SGCE: variants seen among roughly 807,000 people sequenced by gnomAD.
SGCE encodes epsilon-sarcoglycan.
SGCE carries 26 observed loss-of-function variants against 57.8 expected under a neutral mutation model. The ratio of observed to expected loss-of-function variants is 0.45; its 90% CI spans 0.33 to 0.62. The LOEUF is 0.62. Ranked by LOEUF, SGCE falls within the 20% of genes least tolerant of loss-of-function variation. The pLI is 0.02. For missense variants in SGCE, 468 were observed against 548.6 expected, an observed-to-expected ratio of 0.85 and a Z score of 1.47; for synonymous variants, 183 against 189.5, an observed-to-expected ratio of 0.97 and a Z score of 0.28.
At chr7:94,640,080 A>C (rs751077554) in intron 1 of SGCE, among the ~76,000 whole-genome samples, 8 of 152,198 alleles carry the variant, frequency 5.3e-5, no homozygotes, top group Non-Finnish European at 1.2e-4. Flanking sequence ...CAGGGATAAA[A>C]GGAGAATCAA....
At chr7:94,654,633 T>C (rs1562912995) in intron 1 of SGCE, among the ~76,000 whole-genome samples, 1 of 152,076 alleles carries the variant, frequency 6.6e-6, no homozygotes, top group African/African-American at 2.4e-5. Context: ...AGTGGGCATT[T>C]TCTAATAAAA....
chr7:94,621,564 AG>A (rs1802789275), intron 4 of SGCE: 1 of 152,230 alleles, frequency 6.6e-6, no homozygotes, highest in Admixed American at 6.5e-5. Flanking sequence ...TTGAGAAGGA[AG>A]AAGTTCAAAC....
intron 1 of SGCE, among the ~76,000 whole-genome samples, chr7:94,639,901 G>T (rs1318015375): frequency 1.3e-5 from 2 of 152,146 alleles, no homozygotes; most frequent in Non-Finnish European, 2.9e-5. Flanking sequence ...CTAGCATAGG[G>T]GTTAAGGAAT....
At chr7:94,621,452 A>G (rs1802767164) in intron 4 of SGCE, 1 of 152,272 alleles carries the variant, frequency 6.6e-6, no homozygotes, top group Non-Finnish European at 1.5e-5. Flanking sequence ...GTTGTCTAGC[A>G]GTCTTCCATT....
At chr7:94,653,792 A>G (rs12704733) in intron 1 of SGCE, among the ~76,000 whole-genome samples, 19,379 of 151,960 alleles carry the variant, frequency 0.13, 1,492 homozygotes, top group South Asian at 0.25. Context: ...ATGTTAGAAT[A>G]GTGAGATGGG....
chr7:94,588,806 T>C, intron 9 of SGCE, 74 bp from the exon 10 acceptor site: 3 of 1,584,378 alleles, frequency 1.9e-6, no homozygotes, highest in Non-Finnish European at 2.6e-6. Context: ...CATACTAGAA[T>C]GAAAAACTTT....
rs1796993995 is a variant in SGCE, at chr7:94,586,983, A to G, written c.1298-1468T>C. 4 of 984,348 alleles carry G rather than the reference A, an allele frequency of 4.1e-6. No individual in the cohort carries two copies. The South Asian group carries it at 1.9e-4, about 46-fold the overall frequency. The allele number at this position is 984,348 out of a possible 1,614,324, so 61.0% of individuals were successfully genotyped here. The stretch of plus-strand genomic sequence containing the variant: ...GTACTTTAGTCTATAATATGATCCA[A>G]ATTGCAGAAAAATGTAAGAAAACAA... On this transcript the variant is annotated intron_variant, in intron 10 of 10. Coordinates refer to ENST00000648936, the MANE Select transcript of SGCE (RefSeq NM_003919.3).
At position 94,588,671 on chromosome 7, in the gene SGCE, A is replaced by T. The variant is rs761278877; in HGVS notation, c.1297+18T>A. 6.3e-7 allele frequency: 1 copy of T among 1,580,758 alleles called. No homozygotes were observed. Among genetic ancestry groups the T allele is most frequent in the African/African-American group, 1.3e-5 (1 of 74,328 alleles). ...TAGATTCATTCATAAACATTAATTT[A>T]TTATTCTTAGCACTCACCTGTAGTC... On this transcript the variant is annotated intron_variant, in intron 10 of 10. Transcript: ENST00000648936.
At position 94,623,613 on chromosome 7, in the gene SGCE, A is replaced by G. The variant is rs1803193845; in HGVS notation, c.391-216T>C. 7 of 511,114 alleles carry G rather than the reference A, an allele frequency of 1.4e-5. No individual in the cohort carries two copies. In the East Asian group the frequency reaches 2.1e-4, roughly 16 times the overall value. The allele number at this position is 511,114 out of a possible 1,614,324, so 31.7% of individuals were successfully genotyped here. ...AGTCAGGTCTATTTAATATACTGAA[A>G]CAAAAAGTTAAAATCAGAAAGACTC... On this transcript the variant is annotated intron_variant, in intron 3 of 10. Coordinates refer to ENST00000648936, the MANE Select transcript of SGCE (RefSeq NM_003919.3).
chr7:94,637,699 T>C (rs1805785027), intron 1 of SGCE, among the ~76,000 whole-genome samples: 1 of 152,142 alleles, frequency 6.6e-6, no homozygotes, highest in Admixed American at 6.5e-5. Flanking sequence ...TTTTTGTTTT[T>C]GGAAATCAAA....
intron 5 of SGCE, among the ~76,000 whole-genome samples, chr7:94,610,779 CAT>C (rs1800896431): frequency 6.6e-6 from 1 of 151,998 alleles, no homozygotes; most frequent in Non-Finnish European, 1.5e-5. Context: ...GTATATAGAA[CAT>C]ATAAAAACTC....
At chr7:94,602,689 A>G (rs1376475250) in intron 6 of SGCE, among the ~76,000 whole-genome samples, 1 of 152,168 alleles carries the variant, frequency 6.6e-6, no homozygotes, top group Non-Finnish European at 1.5e-5. Flanking sequence ...CATATGTAAA[A>G]TATTACACAT....
intron 5 of SGCE, among the ~76,000 whole-genome samples, chr7:94,608,365 A>G (rs6962866): frequency 0.13 from 20,247 of 152,122 alleles, 4,435 homozygotes; most frequent in African/African-American, 0.46. Context: ...TAAGTCTAAT[A>G]AAATAGGTAC....
intron 10 of SGCE, chr7:94,587,054 TC>T (rs1797002276): frequency 1.0e-6 from 1 of 984,878 alleles, no homozygotes; most frequent in Non-Finnish European, 1.2e-6. Context: ...AGCAAAGCTT[TC>T]TTGACTCAAG....
intron 1 of SGCE, chr7:94,641,044 A>G (rs1239318687): frequency 6.6e-6 from 1 of 152,342 alleles, no homozygotes; most frequent in Admixed American, 6.5e-5. Context: ...ATACATTAAC[A>G]TATCAAAAGC....
chr7:94,630,322 CTA>C (rs750771009), intron 1 of SGCE, among the ~76,000 whole-genome samples: 8 of 151,656 alleles, frequency 5.3e-5, no homozygotes, highest in Non-Finnish European at 8.8e-5. Flanking sequence ...GCATGTCAGA[CTA>C]TATAACACTA....
At chr7:94,606,632 A>G (rs1305386642) in intron 5 of SGCE, among the ~76,000 whole-genome samples, 2 of 152,224 alleles carry the variant, frequency 1.3e-5, no homozygotes, top group African/African-American at 4.8e-5. Flanking sequence ...GACAGGTTTT[A>G]ATAGACACTT....
At chr7:94,628,135 A>AACACAC in intron 3 of SGCE, 67 bp downstream of exon 3, 1 of 1,043,332 alleles carries the variant, frequency 9.6e-7, no homozygotes, top group Middle Eastern at 2.5e-4. Flanking sequence ...CTCAAATTAC[A>AACACAC]ATACACACAC....
chr7:94,609,337 G>A (rs1392369919), intron 5 of SGCE, among the ~76,000 whole-genome samples: 1 of 152,204 alleles, frequency 6.6e-6, no homozygotes. Context: ...GACCAGCCTC[G>A]CCAAAATGGC....
Sources: allele counts gnomAD v4.1 joint callset (sites outside exome capture counted in the v4.1 genomes callset), GRCh38; gene constraint gnomAD v4.1.1; transcripts MANE v1.5; gene names NCBI Gene and HGNC (gene_info 2026-07-23, HGNC 2026-07-21).